EFCAB12: variants seen among roughly 807,000 people sequenced by gnomAD.
EFCAB12 encodes EF-hand calcium-binding domain-containing protein 12.
A neutral mutation model predicts 53.6 loss-of-function variants in EFCAB12; 43 were observed. That is an observed-to-expected ratio of 0.80 (90% CI 0.63 to 1.03). The LOEUF (loss-of-function observed/expected upper bound fraction) is 1.03. Ranked by LOEUF, EFCAB12 falls within the 50% of genes least tolerant of loss-of-function variation. The probability of loss-of-function intolerance (pLI) is 0.00; values close to 1 mark genes in which losing one functional copy is unlikely to be tolerated. For synonymous variants in EFCAB12, 269 were observed against 289.2 expected, an observed-to-expected ratio of 0.93 and a Z score of 0.71; for missense variants, 646 against 730.6, an observed-to-expected ratio of 0.88 and a Z score of 1.34.
rs781429617 is a variant in EFCAB12 at position 129,421,630 on chromosome 3, A to C, written c.223T>G (p.Ser75Ala). 3.1e-6 allele frequency: 5 copies of C among 1,613,906 alleles called. No individual in the cohort carries two copies. The South Asian group carries it at 5.5e-5, about 18-fold the overall frequency. ...GGCTTTGGGGGAGCCTGAGGTTGGG[A>C]TGCAGGATTAAGGGGTGTCTGATCC... is the stretch of plus-strand genomic sequence containing the variant. ...KEDQTPLNPA[S>A]QPQAPPKPIP... Residue 75 changes from serine to alanine, a missense_variant, in exon 2 of 9, where the codon TCC becomes GCC. By Grantham distance (99) the Ser-to-Ala change is moderately conservative. Transcript: ENST00000505956.
Position 129,408,739 on chromosome 3 carries a change from G to A in EFCAB12, c.1155C>T (p.Asp385=). The A allele has an allele frequency of 6.3e-7, 1 of 1,585,680 alleles. No homozygotes were observed. The highest frequency in any genetic ancestry group is 8.6e-7 in the Non-Finnish European group (1 of 1,165,124). Reference sequence around the variant, plus strand: ...CCAGAAAGTTGTGCCTGCGGGCCGAGTCAATGAGCTCCCTCATATCCCCGT... The same window carrying A: ...CCAGAAAGTTGTGCCTGCGGGCCGAATCAATGAGCTCCCTCATATCCCCGT... ...TIHGDMRELI[D]SARRHNFLVY... Residue 385 remains aspartate, a synonymous_variant, in exon 6 of 9, where the codon GAC becomes GAT. Coordinates refer to ENST00000505956, the MANE Select transcript of EFCAB12 (RefSeq NM_207307.3).
At chr3:129,427,240 T>C (rs1363086221) in intron 1 of EFCAB12, among the ~76,000 whole-genome samples, 1 of 152,194 alleles carries the variant, frequency 6.6e-6, no homozygotes, top group Non-Finnish European at 1.5e-5. Flanking sequence ...TCCTCCTGCC[T>C]CAGCTTCCCA....
At chr3:129,423,243 T>A (rs2072211662) in intron 1 of EFCAB12, among the ~76,000 whole-genome samples, 1 of 152,202 alleles carries the variant, frequency 6.6e-6, no homozygotes, top group African/African-American at 2.4e-5. Flanking sequence ...TCTCAAGTAT[T>A]TTACTTCTGA....
At chr3:129,409,668 C>G (rs559722407) in intron 5 of EFCAB12, among the ~76,000 whole-genome samples, 18 of 151,318 alleles carry the variant, frequency 1.2e-4, no homozygotes, top group African/African-American at 3.1e-4. Context: ...TGAGCCAAAT[C>G]TGGCCCACCA....
chr3:129,405,441 T>C (rs904752741), intron 6 of EFCAB12, among the ~76,000 whole-genome samples: 1 of 152,210 alleles, frequency 6.6e-6, no homozygotes, highest in Non-Finnish European at 1.5e-5. Context: ...TTTTAAAGTG[T>C]GATTTAACAA....
chr3:129,402,571 G>T lies in EFCAB12; in HGVS notation c.1412C>A (p.Pro471Gln), dbSNP rs1250508372. ...GKSKRTDKKT[P>Q]KKSKKMRFKE... ...AAAGCGCATTTTCTTGCTTTTCTTT[G>T]GCGTTTTCCTAGTGGAGAAGAGAGA... The change falls in exon 8 of 9, where the codon CCA (proline) becomes CAA (glutamine). Residue 471 changes from proline to glutamine, a missense_variant. Physicochemically the swap from Pro to Gln is moderately conservative, Grantham distance 76 (BLOSUM62 -1). Coordinates refer to ENST00000505956, the MANE Select transcript of EFCAB12 (RefSeq NM_207307.3). The T allele has an allele frequency of 6.2e-7, 1 of 1,612,602 alleles. No homozygotes were observed. The highest frequency in any genetic ancestry group is 1.3e-5 in the African/African-American group (1 of 74,908).
intron 8 of EFCAB12, 69 bp downstream of exon 8, chr3:129,402,453 CA>C: frequency 6.6e-7 from 1 of 1,521,228 alleles, no homozygotes; most frequent in Non-Finnish European, 9.0e-7. Context: ...TGCAGAGTCC[CA>C]GTTGTCTCAG....
intron 6 of EFCAB12, among the ~76,000 whole-genome samples, chr3:129,405,649 C>A (rs1333087551): frequency 5.9e-5 from 9 of 152,116 alleles, no homozygotes; most frequent in Admixed American, 5.9e-4. Flanking sequence ...GAGGGGGAGA[C>A]CTTGTTTAGA....
intron 4 of EFCAB12, chr3:129,411,692 T>C: frequency 5.6e-6 from 1 of 178,740 alleles, no homozygotes; most frequent in Non-Finnish European, 1.2e-5. Flanking sequence ...CCCAGCACTT[T>C]GGGAGGCCGA....
chr3:129,416,293 C>T (rs1310358284), intron 3 of EFCAB12, among the ~76,000 whole-genome samples: 1 of 152,136 alleles, frequency 6.6e-6, no homozygotes, highest in East Asian at 1.9e-4. Flanking sequence ...GGACACATGC[C>T]TGTAATCCCA....
At chr3:129,423,029 T>G (rs936193940) in intron 1 of EFCAB12, among the ~76,000 whole-genome samples, 17 of 152,278 alleles carry the variant, frequency 1.1e-4, no homozygotes, top group African/African-American at 4.1e-4. Flanking sequence ...AAATATTTGG[T>G]GAGTGAAAAA....
chr3:129,403,784 T>A (rs939040979), intron 7 of EFCAB12: 1 of 152,472 alleles, frequency 6.6e-6, no homozygotes, highest in African/African-American at 2.4e-5. Context: ...TGGAGGCAGG[T>A]CCCGGGGAAA....
chr3:129,407,429 C>G (rs2071967440), intron 6 of EFCAB12, among the ~76,000 whole-genome samples: 1 of 152,180 alleles, frequency 6.6e-6, no homozygotes, highest in Non-Finnish European at 1.5e-5. Flanking sequence ...TCAATTGTGA[C>G]TGTAAAGTCT....
intron 1 of EFCAB12, among the ~76,000 whole-genome samples, chr3:129,422,463 T>G (rs998923681): frequency 5.3e-5 from 8 of 152,118 alleles, no homozygotes; most frequent in African/African-American, 1.9e-4. Context: ...TTGCTTCTCT[T>G]CCCTTACTAT....
chr3:129,426,790 G>A (rs1452586171), intron 1 of EFCAB12, among the ~76,000 whole-genome samples: 1 of 149,452 alleles, frequency 6.7e-6, no homozygotes, highest in Non-Finnish European at 1.5e-5. Context: ...GATCCTCCCA[G>A]CTCAGCCTCC....
chr3:129,415,577 TG>T (rs1295554608), intron 3 of EFCAB12, among the ~76,000 whole-genome samples, 176 bp from the exon 4 acceptor site: 1 of 152,206 alleles, frequency 6.6e-6, no homozygotes, highest in Non-Finnish European at 1.5e-5. Context: ...GGTCCTTGAA[TG>T]AACTCTGCAC....
chr3:129,402,732 G>T, intron 7 of EFCAB12, 153 bp from the exon 8 acceptor site: 1 of 691,886 alleles, frequency 1.4e-6, no homozygotes, highest in Non-Finnish European at 2.4e-6. Flanking sequence ...GGTGGACCCT[G>T]ACTCTGTGCC....
chr3:129,424,645 G>A (rs1204932013), intron 1 of EFCAB12, among the ~76,000 whole-genome samples: 1 of 152,218 alleles, frequency 6.6e-6, no homozygotes, highest in Non-Finnish European at 1.5e-5. Flanking sequence ...CATCAATAGG[G>A]ATGGAAGCGA....
rs1367745969 is a variant in EFCAB12 at position 129,408,715 on chromosome 3, C to G, written c.1179G>C (p.Leu393=). Reference sequence around the variant, plus strand: ...AGAGCTTCCAGCATTGCAGGTAGACCAGAAAGTTGTGCCTGCGGGCCGAGT... The same window carrying G: ...AGAGCTTCCAGCATTGCAGGTAGACGAGAAAGTTGTGCCTGCGGGCCGAGT... The part of the protein sequence containing the change: ...LIDSARRHNF[L]VYLQCWKLCK... Residue 393 remains leucine, a synonymous_variant, in exon 6 of 9, where the codon CTG becomes CTC. Coordinates refer to ENST00000505956, the MANE Select transcript of EFCAB12 (RefSeq NM_207307.3). The G allele has an allele frequency of 6.3e-7, 1 of 1,588,202 alleles. No homozygotes were observed. The highest frequency in any genetic ancestry group is 8.6e-7 in the Non-Finnish European group (1 of 1,166,302).
Sources: allele counts gnomAD v4.1 joint callset (sites outside exome capture counted in the v4.1 genomes callset), GRCh38; gene constraint gnomAD v4.1.1; transcripts MANE v1.5; gene names NCBI Gene and HGNC (gene_info 2026-07-23, HGNC 2026-07-21).